The following NOS1 variants were observed in gnomAD, a reference collection of about 807,000 sequenced individuals.
NOS1 encodes the protein NOS type I.
NOS1 carries 51 observed loss-of-function variants against 164.5 expected under a neutral mutation model. The ratio of observed to expected loss-of-function variants is 0.31; its 90% CI spans 0.25 to 0.39. The LOEUF is 0.39. Among genes scored for constraint, NOS1 ranks in the 10% least tolerant of loss-of-function variants. NOS1 has a pLI of 1.00. For missense variants in NOS1, 1,362 were observed against 1,885.6 expected, an observed-to-expected ratio of 0.72 and a Z score of 5.14; for synonymous variants, 719 against 745.8, an observed-to-expected ratio of 0.96 and a Z score of 0.59.
intron 4 of NOS1, 78 bp from the exon 5 acceptor site, chr12:117,288,297 G>A (rs553030676): frequency 4.0e-5 from 56 of 1,389,600 alleles, no homozygotes; most frequent in South Asian, 1.3e-4. Context: ...CTTGGATCTC[G>A]TACTCATGGT....
chr12:117,298,694 G>T (rs1283485750), intron 3 of NOS1, among the ~76,000 whole-genome samples: 1 of 152,144 alleles, frequency 6.6e-6, no homozygotes, highest in African/African-American at 2.4e-5. Flanking sequence ...ATGTGAACAT[G>T]AAGACGGCCA....
intron 13 of NOS1, among the ~76,000 whole-genome samples, chr12:117,262,637 C>G (rs916252676): frequency 2.0e-5 from 3 of 152,112 alleles, no homozygotes; most frequent in Non-Finnish European, 4.4e-5. Context: ...TTAGATGACA[C>G]CTGTTGTACA....
chr12:117,278,233 G>A lies in NOS1; in HGVS notation c.1525-135C>T, dbSNP rs968560180. The A allele has an allele frequency of 6.1e-6, 6 of 976,152 alleles. No homozygotes were observed. The South Asian group carries it at 8.4e-5, about 14-fold the overall frequency. The allele number at this position is 976,152 out of a possible 1,614,324, so 60.5% of individuals were successfully genotyped here. ...GGAGACATTTCCTCTGGAGGCTCTT[G>A]GACCACATCACCTGCTTTATAGAGT... On this transcript the variant is annotated intron_variant, in intron 8 of 28. Transcript: ENST00000317775.
In NOS1 at chr12:117,214,178, C is replaced by G. The variant is rs912623879; in HGVS notation, c.*1131G>C. 2.0e-6 allele frequency: 2 copies of G among 985,278 alleles called. No individual in the cohort carries two copies. The highest frequency in any genetic ancestry group is 3.5e-5 in the African/African-American group (2 of 57,230). The allele number at this position is 985,278 out of a possible 1,614,324, so 61.0% of individuals were successfully genotyped here. A position where few individuals can be genotyped will look rare whatever the true frequency, so the allele number is the denominator to read the frequency against. On this transcript the variant is annotated 3_prime_UTR_variant, in exon 29 of 29. Coordinates refer to ENST00000317775, the MANE Select transcript of NOS1 (RefSeq NM_000620.5). ...TATTTCATCCCCAAGGGTGAAGCAG[C>G]AAGCCCGCTTTGGGGGAATAAAAAA...
chr12:117,221,000 C>T (rs1485676423), intron 26 of NOS1, among the ~76,000 whole-genome samples: 2 of 152,090 alleles, frequency 1.3e-5, no homozygotes, highest in Non-Finnish European at 2.9e-5. Context: ...CTGAGTGCCC[C>T]CCCAACCTGC....
At chr12:117,351,685 A>G (rs919300759) in intron 1 of NOS1, among the ~76,000 whole-genome samples, 6 of 152,250 alleles carry the variant, frequency 3.9e-5, no homozygotes, top group South Asian at 2.1e-4. Context: ...GAGTAGCTGC[A>G]TGTGCCAAGC....
intron 17 of NOS1, among the ~76,000 whole-genome samples, chr12:117,251,470 T>G (rs922784051): frequency 6.6e-6 from 1 of 152,114 alleles, no homozygotes; most frequent in African/African-American, 2.4e-5. Flanking sequence ...AATGTAGTAG[T>G]AGCGTGATCA....
intron 7 of NOS1, among the ~76,000 whole-genome samples, chr12:117,283,934 C>T (rs574208140): frequency 3.3e-5 from 5 of 150,944 alleles, no homozygotes; most frequent in South Asian, 2.1e-4. Flanking sequence ...CGACCAGGTC[C>T]GGATACACAA....
chr12:117,254,080 G>A (rs1158200232), intron 16 of NOS1, among the ~76,000 whole-genome samples: 1 of 151,834 alleles, frequency 6.6e-6, no homozygotes, highest in East Asian at 1.9e-4. Flanking sequence ...CCTAAACCAT[G>A]AGACCATGCT....
At chr12:117,295,711 T>C (rs1429397412) in intron 3 of NOS1, among the ~76,000 whole-genome samples, 1 of 150,438 alleles carries the variant, frequency 6.6e-6, no homozygotes, top group Non-Finnish European at 1.5e-5. Flanking sequence ...TCCATCATCT[T>C]CTGGGTTAAG....
chr12:117,241,148 C>A (rs1254860289), intron 20 of NOS1, among the ~76,000 whole-genome samples: 1 of 151,974 alleles, frequency 6.6e-6, no homozygotes, highest in Non-Finnish European at 1.5e-5. Context: ...CCACGTTGGT[C>A]AGGCTGGTCT....
rs957489403 is a variant in NOS1, at chr12:117,243,703, C to T, written c.2824-268G>A. Among the ~76,000 whole-genome samples, 1 of 151,220 alleles carries T rather than the reference C, an allele frequency of 6.6e-6. No individual in the cohort carries two copies. The highest frequency in any genetic ancestry group is 1.5e-5 in the Non-Finnish European group (1 of 67,784). On this transcript the variant is annotated intron_variant, in intron 18 of 28. Transcript: ENST00000317775. This position sits in a 1 kb window ranked among gnomAD's most constrained non-coding sequence, Gnocchi z 4.3. ...ACTCATCTACTCTTCCATTCATCTA[C>T]CCTTCCACCCTCCCATCCATGTATC...
intron 1 of NOS1, among the ~76,000 whole-genome samples, chr12:117,343,611 C>A (rs17617937): frequency 6.6e-5 from 10 of 152,246 alleles, no homozygotes; most frequent in Middle Eastern, 3.4e-3. Context: ...AGATGGACAC[C>A]GTAAAGGGCA....
chr12:117,336,320 CA>C (rs1487439180), intron 1 of NOS1, among the ~76,000 whole-genome samples: 2 of 152,174 alleles, frequency 1.3e-5, no homozygotes, highest in African/African-American at 4.8e-5. Context: ...GAGGAGCCAC[CA>C]AGCCTATCTA....
chr12:117,269,176 G>A (rs1173278331), intron 10 of NOS1, among the ~76,000 whole-genome samples: 1 of 152,106 alleles, frequency 6.6e-6, no homozygotes, highest in Non-Finnish European at 1.5e-5. Context: ...TGTGGAGACA[G>A]CATGCAAGGT....
intron 27 of NOS1, 55 bp from the exon 28 acceptor site, chr12:117,218,219 A>G: frequency 7.6e-7 from 1 of 1,316,384 alleles, no homozygotes; most frequent in Non-Finnish European, 1.1e-6. Flanking sequence ...AAAGGCTTGG[A>G]GCAGGGGCAG....
In NOS1 at chr12:117,212,388, G is replaced by C; in HGVS notation, c.*2921C>G. On this transcript the variant is annotated 3_prime_UTR_variant, in exon 29 of 29. Transcript: ENST00000317775. ...AATTCCATATTGATGGGTCTGAAGTGTCCCCCCGCAAAAGAAAGACACCTG... is the reference window on the plus strand; with the variant it reads ...AATTCCATATTGATGGGTCTGAAGTCTCCCCCCGCAAAAGAAAGACACCTG... The C allele has an allele frequency of 2.0e-6, 2 of 985,342 alleles. No homozygotes were observed. Among genetic ancestry groups the C allele is most frequent in the Non-Finnish European group, 2.4e-6 (2 of 829,928 alleles). The allele number at this position is 985,342 out of a possible 1,614,324, so 61.0% of individuals were successfully genotyped here.
At chr12:117,295,546 T>G (rs1873351919) in intron 3 of NOS1, among the ~76,000 whole-genome samples, 1 of 151,944 alleles carries the variant, frequency 6.6e-6, no homozygotes, top group Admixed American at 6.6e-5. Flanking sequence ...AAGGGTTGAA[T>G]TCCAGTGGCT....
At chr12:117,257,607 CTTTTTTTTTTTTTTT>C (rs151304592) in intron 16 of NOS1, among the ~76,000 whole-genome samples, 2 of 99,122 alleles carry the variant, frequency 2.0e-5, no homozygotes, top group South Asian at 3.4e-4. Context: ...TTGATTTTAG[CTTTTTTTTTTTTTTT>C]TTTTTTTTTT....
Sources: allele counts gnomAD v4.1 joint callset (sites outside exome capture counted in the v4.1 genomes callset), GRCh38; gene constraint gnomAD v4.1.1; non-coding constraint Gnocchi (gnomAD v3.1); transcripts MANE v1.5; gene names NCBI Gene and HGNC (gene_info 2026-07-23, HGNC 2026-07-21).